ANKRD11: variants seen among roughly 807,000 people sequenced by gnomAD.
ANKRD11 encodes ankyrin repeat domain 11.
ANKRD11 carries 17 observed loss-of-function variants against 195.7 expected under a neutral mutation model. That is an observed-to-expected ratio of 0.09 (90% confidence interval 0.06 to 0.13). The LOEUF is 0.13. ANKRD11 is among the 10% of genes least tolerant of loss of function. The probability of loss-of-function intolerance (pLI) is 1.00; values close to 1 mark genes in which losing one functional copy is unlikely to be tolerated. For missense variants in ANKRD11, 3,735 were observed against 3,566.1 expected, an observed-to-expected ratio of 1.05 and a Z score of -1.21; for synonymous variants, 1,953 against 1,528.1, an observed-to-expected ratio of 1.28 and a Z score of -6.49.
intron 2 of ANKRD11, among the ~76,000 whole-genome samples, chr16:89,358,758 C>T (rs548165940): frequency 2.0e-5 from 3 of 152,184 alleles, no homozygotes; most frequent in Non-Finnish European, 2.9e-5. Flanking sequence ...GATAACCCCA[C>T]GTGCAAACCA....
intron 1 of ANKRD11, among the ~76,000 whole-genome samples, chr16:89,443,583 A>G (rs1254702382): frequency 6.6e-6 from 1 of 152,014 alleles, no homozygotes; most frequent in Non-Finnish European, 1.5e-5. Flanking sequence ...CCAGACACAT[A>G]CCTACTAGCT....
At chr16:89,475,836 G>A (rs2057239595) in intron 1 of ANKRD11, among the ~76,000 whole-genome samples, 1 of 152,114 alleles carries the variant, frequency 6.6e-6, no homozygotes, top group African/African-American at 2.4e-5. Context: ...GATCAATTGA[G>A]GTGAGGAGTT....
chr16:89,400,969 G>C (rs1047285310), intron 2 of ANKRD11, among the ~76,000 whole-genome samples: 1 of 152,168 alleles, frequency 6.6e-6, no homozygotes, highest in African/African-American at 2.4e-5. Context: ...CGTCTGCCCC[G>C]GGGCTGCCTG....
chr16:89,469,877 C>T (rs1458698835), intron 1 of ANKRD11, among the ~76,000 whole-genome samples: 1 of 148,614 alleles, frequency 6.7e-6, no homozygotes, highest in African/African-American at 2.5e-5. Context: ...AGTGAGGCTC[C>T]GTTTCAGAAA....
chr16:89,463,318 G>T (rs1235463769), intron 1 of ANKRD11, among the ~76,000 whole-genome samples: 1 of 152,224 alleles, frequency 6.6e-6, no homozygotes, highest in East Asian at 1.9e-4. Flanking sequence ...TTTTCATTTT[G>T]TTCTGTACTA....
chr16:89,316,762 C>G (rs1308915318), intron 3 of ANKRD11, among the ~76,000 whole-genome samples, 171 bp downstream of exon 3: 1 of 152,212 alleles, frequency 6.6e-6, no homozygotes, highest in African/African-American at 2.4e-5. Context: ...AAAAGCAAGG[C>G]CACTTTGGGA....
intron 2 of ANKRD11, among the ~76,000 whole-genome samples, chr16:89,406,396 C>T (rs543088116): frequency 2.9e-4 from 44 of 152,318 alleles, no homozygotes; most frequent in Admixed American, 7.8e-4. Flanking sequence ...AAACACCAGC[C>T]GGCGCGCTCT....
chr16:89,462,452 C>G (rs2056713263), intron 1 of ANKRD11, among the ~76,000 whole-genome samples: 1 of 152,242 alleles, frequency 6.6e-6, no homozygotes, highest in Admixed American at 6.5e-5. Flanking sequence ...GCCTTGGCCT[C>G]CCAAAGTGCC....
intron 2 of ANKRD11, chr16:89,320,468 CACAGCCGCGGGAAGGTAA>C (rs2049620349): frequency 6.6e-6 from 1 of 152,278 alleles, no homozygotes; most frequent in East Asian, 1.9e-4. Flanking sequence ...AGCGGCAAGG[CACAGCCGCGGGAAGGTAA>C]ACGCAGAGCC....
At chr16:89,268,907 C>T (rs1347328709) in intron 12 of ANKRD11, among the ~76,000 whole-genome samples, 1 of 152,252 alleles carries the variant, frequency 6.6e-6, no homozygotes, top group Non-Finnish European at 1.5e-5. Context: ...CTGGGGCTCA[C>T]CCTGGCCCGG....
intron 2 of ANKRD11, among the ~76,000 whole-genome samples, chr16:89,337,872 G>A (rs2038453406): frequency 1.3e-5 from 2 of 152,302 alleles, no homozygotes; most frequent in South Asian, 4.1e-4. Context: ...TAATGGTGTG[G>A]TCTTCAGTCT....
chr16:89,332,244 G>A (rs2038104497), intron 2 of ANKRD11, among the ~76,000 whole-genome samples: 1 of 152,156 alleles, frequency 6.6e-6, no homozygotes, highest in Non-Finnish European at 1.5e-5. Flanking sequence ...TTTACAAGCA[G>A]ACTATAAACA....
chr16:89,339,397 C>G (rs1013906906), intron 2 of ANKRD11, among the ~76,000 whole-genome samples: 1 of 152,154 alleles, frequency 6.6e-6, no homozygotes, highest in African/African-American at 2.4e-5. Flanking sequence ...AAACCAAGAA[C>G]TGGGAAAGCT....
Position 89,267,758 on chromosome 16 carries a change from G to A in ANKRD11, c.*720C>T, listed in dbSNP as rs1276165253. The A allele has an allele frequency of 6.6e-6, 1 of 152,110 alleles. No individual in the cohort carries two copies. The highest frequency in any genetic ancestry group is 6.6e-5 in the Admixed American group (1 of 15,234). The allele number at this position is 152,110 out of a possible 1,614,324, so 9.4% of individuals were successfully genotyped here. A position where few individuals can be genotyped will look rare whatever the true frequency, so the allele number is the denominator to read the frequency against. On this transcript the variant is annotated 3_prime_UTR_variant, in exon 13 of 13. Coordinates refer to ENST00000301030, the MANE Select transcript of ANKRD11 (RefSeq NM_013275.6). ...GAAGGCAGCAAAAGTACATTGTGAA[G>A]GTATATAAAACTGTACAGCGTTTAC...
chr16:89,432,430 A>C (rs2043022543), intron 1 of ANKRD11, among the ~76,000 whole-genome samples: 1 of 152,024 alleles, frequency 6.6e-6, no homozygotes, highest in South Asian at 2.1e-4. Context: ...CACTGTGTTG[A>C]GGGGTGCTGT....
intron 4 of ANKRD11, among the ~76,000 whole-genome samples, chr16:89,292,680 G>A (rs1316838474): frequency 3.9e-5 from 6 of 152,330 alleles, no homozygotes; most frequent in African/African-American, 7.2e-5. Context: ...AGTCCTCAAC[G>A]CACAGATCTG....
intron 2 of ANKRD11, among the ~76,000 whole-genome samples, chr16:89,349,341 G>A (rs1042609101): frequency 7.3e-5 from 11 of 151,630 alleles, no homozygotes; most frequent in Non-Finnish European, 1.3e-4. Flanking sequence ...TTAGCCGGGC[G>A]TGGTGGCGGG....
intron 2 of ANKRD11, among the ~76,000 whole-genome samples, chr16:89,370,374 G>T (rs528019620): frequency 6.6e-6 from 1 of 152,230 alleles, no homozygotes; most frequent in Non-Finnish European, 1.5e-5. Context: ...CCCGGTACCT[G>T]CCCCAGCCAC....
At chr16:89,468,374 C>G (rs1427285672) in intron 1 of ANKRD11, among the ~76,000 whole-genome samples, 1 of 152,088 alleles carries the variant, frequency 6.6e-6, no homozygotes, top group African/African-American at 2.4e-5. Context: ...CCCCTTGAAC[C>G]CAGTCTCACT....
Sources: gnomAD v4.1 joint callset for allele counts (sites outside exome capture counted in the v4.1 genomes callset) on GRCh38, gnomAD v4.1.1 for gene constraint, MANE v1.5 for transcripts, NCBI Gene and HGNC (gene_info 2026-07-23, HGNC 2026-07-21) for gene names.